The following LCT variants were observed in gnomAD, a reference collection of about 807,000 sequenced individuals.
The protein encoded by LCT is lactase.
Under a neutral mutation model 173.0 loss-of-function variants are expected in LCT, and 90 were observed. That is an observed-to-expected ratio of 0.52 (90% CI 0.44 to 0.62). The LOEUF is 0.62. Among genes scored for constraint, LCT ranks in the 20% least tolerant of loss-of-function variants. The probability of loss-of-function intolerance (pLI) is 0.00; values close to 1 mark genes in which losing one functional copy is unlikely to be tolerated. For missense variants in LCT, 1,864 were observed against 2,431.4 expected (o/e 0.77, Z 4.91); for synonymous variants, 853 against 957.6 (o/e 0.89, Z 2.02).
chr2:135,834,605 C>T (rs1232159140), intron 1 of LCT, among the ~76,000 whole-genome samples: 3 of 149,532 alleles, frequency 2.0e-5, no homozygotes, highest in Non-Finnish European at 4.5e-5. Context: ...CTGGCCAACA[C>T]GGTGAAACCC....
At chr2:135,789,440 A>G (rs1324930970) in intron 16 of LCT, 131 bp downstream of exon 16, 2 of 714,910 alleles carry the variant, frequency 2.8e-6, no homozygotes, top group Non-Finnish European at 5.0e-6. Flanking sequence ...GAAAATAAAC[A>G]TTTGTTGAAT....
intron 2 of LCT, among the ~76,000 whole-genome samples, chr2:135,832,479 G>C (rs1391245658): frequency 6.6e-6 from 1 of 150,896 alleles, no homozygotes; most frequent in Non-Finnish European, 1.5e-5. Context: ...GAGGATATAC[G>C]TACATTTTTA....
chr2:135,835,040 T>C (rs1330868040), intron 1 of LCT, among the ~76,000 whole-genome samples: 1 of 152,092 alleles, frequency 6.6e-6, no homozygotes, highest in Non-Finnish European at 1.5e-5. Flanking sequence ...TCTTTTCACC[T>C]AGTAGTTTCA....
intron 1 of LCT, 102 bp from the exon 2 acceptor site, chr2:135,833,292 T>A: frequency 1.2e-6 from 1 of 841,114 alleles, no homozygotes; most frequent in Non-Finnish European, 2.1e-6. Flanking sequence ...GAAGAAATCA[T>A]CCAAATGACT....
chr2:135,814,083 T>C (rs1209123600), intron 6 of LCT, among the ~76,000 whole-genome samples: 1 of 152,236 alleles, frequency 6.6e-6, no homozygotes, highest in African/African-American at 2.4e-5. Context: ...TATAAAGCAT[T>C]GAGCAGAAAC....
chr2:135,791,428 T>C (rs530239478), intron 14 of LCT, among the ~76,000 whole-genome samples: 1 of 152,312 alleles, frequency 6.6e-6, no homozygotes, highest in African/African-American at 2.4e-5. Flanking sequence ...TCTTCAGTGA[T>C]GGACGAGGAG....
At chr2:135,835,424 T>C in intron 1 of LCT, among the ~76,000 whole-genome samples, 1 of 142,570 alleles carries the variant, frequency 7.0e-6, no homozygotes, top group African/African-American at 2.6e-5. Context: ...GCTCAAGTTT[T>C]TAATAAAATG....
chr2:135,795,033 A>ACGCG (rs150578954), intron 13 of LCT, among the ~76,000 whole-genome samples: 196 of 148,532 alleles, frequency 1.3e-3, no homozygotes, highest in Middle Eastern at 3.4e-3. Flanking sequence ...ACACGCACCC[A>ACGCG]CGCGCGCGCG....
In LCT at chr2:135,809,384, C is replaced by T; in HGVS notation, c.2963G>A (p.Arg988Lys). ...CCCATGACTGTTGATAGAGCTGTTTCTCCCAGTTGGGAAAATCCGAGACCA... is the reference window on the plus strand; with the variant it reads ...CCCATGACTGTTGATAGAGCTGTTTTTCCCAGTTGGGAAAATCCGAGACCA... ...ISWSRIFPTG[R>K]NSSINSHGVD... Residue 988 changes from arginine to lysine, a missense_variant, in exon 8 of 17, where the codon AGA becomes AAA. Coordinates refer to ENST00000264162, the MANE Select transcript of LCT (RefSeq NM_002299.4). The surrounding 1 kb of genome is among the most constrained non-coding windows in gnomAD (Gnocchi z 5.5). 1 of 1,614,242 alleles carries T rather than the reference C, an allele frequency of 6.2e-7. No homozygotes were observed. The highest frequency in any genetic ancestry group is 8.5e-7 in the Non-Finnish European group (1 of 1,180,046).
intron 12 of LCT, among the ~76,000 whole-genome samples, chr2:135,799,391 G>T (rs921895917): frequency 6.6e-6 from 1 of 152,096 alleles, no homozygotes; most frequent in Non-Finnish European, 1.5e-5. Context: ...GAGCTGTGCC[G>T]TGAACGAGGA....
chr2:135,790,740 T>C lies in LCT; in HGVS notation c.5253A>G (p.Gly1751=), dbSNP rs2077527567. 1 of 1,613,820 alleles carries C rather than the reference T, an allele frequency of 6.2e-7. No homozygotes were observed. ...GGTCTGTTTCTTCCCGCTGGGACAC[T>C]CCATTCTCTGTGACATAAATTGGAG... The part of the protein sequence containing the change: ...NDPPIYVTEN[G]VSQREETDLN... Residue 1751 remains glycine (G), a synonymous_variant, in exon 15 of 17, where the codon GGA becomes GGG. Transcript: ENST00000264162. This position sits in a 1 kb window ranked among gnomAD's most constrained non-coding sequence, Gnocchi z 4.1.
At position 135,829,625 on chromosome 2, in the gene LCT, C is replaced by A. The variant is rs1373994697; in HGVS notation, c.772G>T (p.Ala258Ser). The A allele has an allele frequency of 6.2e-7, 1 of 1,613,844 alleles. No individual in the cohort carries two copies. The highest frequency in any genetic ancestry group is 8.5e-7 in the Non-Finnish European group (1 of 1,179,894). The stretch of plus-strand genomic sequence containing the variant: ...TTACTCAGCTTCTGCCGCAGACTTG[C>A]CTCATTTTGGCATTCATAAGACAAA... Reference protein sequence around the residue: ...LDLSYECQNEASLRQKLSKLQ... With the variant: ...LDLSYECQNESSLRQKLSKLQ... The change falls in exon 3 of 17, where the codon GCA becomes TCA. Residue 258 changes from alanine (A) to serine (S), a missense_variant. Around this residue, in one of 4 missense-constraint regions of LCT, gnomAD observed 412 missense variants for 462.0 expected, o/e 0.89. Coordinates refer to ENST00000264162, the MANE Select transcript of LCT (RefSeq NM_002299.4).
At chr2:135,793,402 C>G (rs2077549692) in intron 14 of LCT, among the ~76,000 whole-genome samples, 1 of 152,158 alleles carries the variant, frequency 6.6e-6, no homozygotes, top group South Asian at 2.1e-4. Flanking sequence ...CTCAGGAAGC[C>G]CCATCCTTAG....
At chr2:135,829,554 G>A (rs759110543) in intron 3 of LCT, 39 bp downstream of exon 3, 26 of 1,425,320 alleles carry the variant, frequency 1.8e-5, no homozygotes, top group Admixed American at 6.7e-5. Context: ...TGAAACCTTC[G>A]CTGCATTCAT....
In LCT at chr2:135,817,328, G is replaced by T; in HGVS notation, c.1707+13C>A. 1.2e-6 allele frequency: 2 copies of T among 1,613,150 alleles called. No homozygotes were observed. The highest frequency in any genetic ancestry group is 2.2e-5 in the East Asian group (1 of 44,862). ...CTCCTCCAATTAGTAGGAGCTGCAG[G>T]GTTGGGAAGTACCTTAAAAGAGGCC... On this transcript the variant is annotated intron_variant, in intron 6 of 16. Coordinates refer to ENST00000264162, the MANE Select transcript of LCT (RefSeq NM_002299.4).
At chr2:135,827,106 G>A (rs528663434) in intron 3 of LCT, among the ~76,000 whole-genome samples, 1 of 152,226 alleles carries the variant, frequency 6.6e-6, no homozygotes, top group South Asian at 2.1e-4. Flanking sequence ...AGCCTCCCAA[G>A]GAGCTGGGAT....
intron 3 of LCT, among the ~76,000 whole-genome samples, chr2:135,827,017 C>G (rs886625330): frequency 3.9e-5 from 6 of 152,086 alleles, no homozygotes; most frequent in Non-Finnish European, 8.8e-5. Context: ...CTCTCTCTGT[C>G]CCCTGGGCTG....
chr2:135,789,198 G>A (rs185696760), intron 16 of LCT, among the ~76,000 whole-genome samples: 118 of 152,226 alleles, frequency 7.8e-4, no homozygotes, highest in Admixed American at 8.5e-4. Flanking sequence ...TAACAAATAC[G>A]GGGCACCCAC....
chr2:135,810,351 TAA>T (rs2077724769), intron 7 of LCT: 2 of 176,796 alleles, frequency 1.1e-5, no homozygotes, highest in East Asian at 1.5e-4. Context: ...ATGTTGCTTT[TAA>T]AAAGTGTTCC....
Sources: allele counts gnomAD v4.1 joint callset (sites outside exome capture counted in the v4.1 genomes callset), GRCh38; gene constraint gnomAD v4.1.1; regional missense constraint gnomAD v4.1.1; non-coding constraint Gnocchi (gnomAD v3.1); transcripts MANE v1.5; gene names NCBI Gene and HGNC (gene_info 2026-07-23, HGNC 2026-07-21).